Variants in ATG3 observed in about 807,000 individuals in gnomAD.
ATG3 encodes the protein autophagy related 3, also known as ubiquitin-like-conjugating enzyme ATG3.
Under a neutral mutation model 50.7 loss-of-function variants are expected in ATG3, and 25 were observed. The observed-to-expected ratio is 0.49, with a 90% CI of 0.36 to 0.69. The LOEUF is 0.69. ATG3 is among the 30% of genes least tolerant of loss of function. The probability of loss-of-function intolerance (pLI) is 0.00; values close to 1 mark genes in which losing one functional copy is unlikely to be tolerated. For synonymous variants in ATG3, 119 were observed against 125.5 expected (o/e 0.95, Z 0.34); for missense variants, 281 against 376.0 (o/e 0.75, Z 2.09).
At chr3:112,558,829 C>T (rs970083411) in intron 1 of ATG3, among the ~76,000 whole-genome samples, 2 of 151,972 alleles carry the variant, frequency 1.3e-5, no homozygotes, top group African/African-American at 2.4e-5. Flanking sequence ...CTCCACCTCC[C>T]GGGTTCAAGC....
At chr3:112,543,913 A>ACAGC (rs1933299015) in intron 6 of ATG3, 144 bp downstream of exon 6, 2 of 535,636 alleles carry the variant, frequency 3.7e-6, no homozygotes, top group African/African-American at 1.9e-5. Context: ...GGGGAAGAAA[A>ACAGC]CAGCTGGAAT....
At position 112,561,576 on chromosome 3, in the gene ATG3, G is replaced by A. The variant is rs746807229; in HGVS notation, c.-48C>T. 6 of 1,575,910 alleles carry A rather than the reference G, an allele frequency of 3.8e-6. No homozygotes were observed. Among genetic ancestry groups the A allele is most frequent in the Non-Finnish European group, 4.3e-6 (5 of 1,156,494 alleles). Reference sequence around the variant, plus strand: ...GCCCCGCGACGGGATGGAAAGTGCAGCCGTGTCAGGGGCCAGGGAGTCAGA... The same window carrying A: ...GCCCCGCGACGGGATGGAAAGTGCAACCGTGTCAGGGGCCAGGGAGTCAGA... On this transcript the variant is annotated 5_prime_UTR_variant, in exon 1 of 12. Transcript: ENST00000283290.
At chr3:112,550,126 A>G in intron 4 of ATG3, 66 bp downstream of exon 4, 1 of 1,204,700 alleles carries the variant, frequency 8.3e-7, no homozygotes, top group Non-Finnish European at 1.2e-6. Context: ...GCAATAGAAA[A>G]ACCGAGAGCT....
intron 1 of ATG3, 39 bp from the exon 2 acceptor site, chr3:112,558,456 T>TTCACTA (rs1474582103): frequency 6.9e-7 from 1 of 1,447,368 alleles, no homozygotes; most frequent in Non-Finnish European, 9.7e-7. Flanking sequence ...TATATCATGT[T>TTCACTA]TCACTATCAA....
chr3:112,540,302 T>G (rs192100717), intron 7 of ATG3, among the ~76,000 whole-genome samples: 1 of 152,220 alleles, frequency 6.6e-6, no homozygotes, highest in Non-Finnish European at 1.5e-5. Context: ...CAAGCATCAC[T>G]TGCCATTATG....
At chr3:112,538,921 CTT>C (rs1933149652) in intron 7 of ATG3, among the ~76,000 whole-genome samples, 1 of 152,188 alleles carries the variant, frequency 6.6e-6, no homozygotes, top group South Asian at 2.1e-4. Context: ...AAGCTAATCA[CTT>C]TTGATTTTTC....
chr3:112,535,720 A>G (rs1933024280), intron 10 of ATG3: 1 of 152,198 alleles, frequency 6.6e-6, no homozygotes, highest in Admixed American at 6.5e-5. Flanking sequence ...ACTAGAGGGA[A>G]GAGAAAACAA....
intron 11 of ATG3, chr3:112,533,816 CG>C: frequency 1.0e-6 from 1 of 985,800 alleles, no homozygotes; most frequent in Non-Finnish European, 1.2e-6. Flanking sequence ...GAAAAATGAA[CG>C]TACTATATTT....
At chr3:112,552,010 G>A (rs13082005) in intron 3 of ATG3, among the ~76,000 whole-genome samples, 42,481 of 152,026 alleles carry the variant, frequency 0.28, 7,440 homozygotes, top group Middle Eastern at 0.41. Context: ...CTGTTTCAGC[G>A]ACACGGTAAG....
At position 112,536,531 on chromosome 3, in the gene ATG3, G is replaced by A; in HGVS notation, c.738C>T (p.Thr246=). 6.2e-7 allele frequency: 1 copy of A among 1,613,904 alleles called. No homozygotes were observed. The highest frequency in any genetic ancestry group is 8.5e-7 in the Non-Finnish European group (1 of 1,179,776). ...GTGGCAGATGAGGGTGATTTTCAATGGTCACTGTTTTCTTCACATGATCCT... is the reference window on the plus strand; with the variant it reads ...GTGGCAGATGAGGGTGATTTTCAATAGTCACTGTTTTCTTCACATGATCCT... The part of the protein sequence containing the change: ...ISQDHVKKTV[T]IENHPHLPPP... Residue 246 remains threonine, a synonymous_variant, in exon 10 of 12, where the codon ACC becomes ACT. Coordinates refer to ENST00000283290, the MANE Select transcript of ATG3 (RefSeq NM_022488.5).
chr3:112,546,174 C>CAA (rs35251867), intron 5 of ATG3, among the ~76,000 whole-genome samples: 6 of 151,414 alleles, frequency 4.0e-5, no homozygotes, highest in African/African-American at 1.2e-4. Flanking sequence ...CAACAACAAA[C>CAA]AAAAAAAAAC....
intron 11 of ATG3, 112 bp from the exon 12 acceptor site, chr3:112,532,892 A>C: frequency 7.5e-7 from 1 of 1,327,532 alleles, no homozygotes; most frequent in South Asian, 2.0e-5. Flanking sequence ...AACCCCACAA[A>C]ATCTTAAATT....
intron 7 of ATG3, 28 bp downstream of exon 7, chr3:112,541,775 A>G (rs777193209): frequency 6.5e-7 from 1 of 1,549,892 alleles, no homozygotes. Flanking sequence ...ATTCTAGTGG[A>G]ACTGAAGCAA....
chr3:112,543,636 A>G (rs1385299864), intron 6 of ATG3, among the ~76,000 whole-genome samples: 2 of 152,176 alleles, frequency 1.3e-5, no homozygotes, highest in Non-Finnish European at 2.9e-5. Context: ...TTAAATGTTA[A>G]TATATCATTA....
rs1408328140 is a variant in ATG3, at chr3:112,561,453, T to TTACC, written c.72_72+3dup. ...CAGCTCCCGGCAACCCTGGCCTGGC[T>TTACC]TACCTTGAGGACCGGGGTCAGGTAC... On this transcript the variant is annotated splice_donor_region_variant and intron_variant, in intron 1 of 11. Transcript: ENST00000283290. 6.2e-7 allele frequency: 1 copy of TTACC among 1,612,102 alleles called. No individual in the cohort carries two copies. Among genetic ancestry groups the TTACC allele is most frequent in the African/African-American group, 1.3e-5 (1 of 74,930 alleles).
chr3:112,547,354 A>G (rs1384755492), intron 5 of ATG3, among the ~76,000 whole-genome samples: 1 of 152,088 alleles, frequency 6.6e-6, no homozygotes, highest in Admixed American at 6.5e-5. Flanking sequence ...ATTTAGTATC[A>G]TGGACTTAAA....
intron 5 of ATG3, among the ~76,000 whole-genome samples, chr3:112,547,161 T>C (rs899444663): frequency 1.3e-5 from 2 of 152,326 alleles, no homozygotes; most frequent in Non-Finnish European, 2.9e-5. Context: ...GCATTTTTGG[T>C]TGTTAAAACT....
chr3:112,536,920 C>CAAAA (rs56353465), intron 9 of ATG3, among the ~76,000 whole-genome samples: 5 of 68,420 alleles, frequency 7.3e-5, no homozygotes, highest in African/African-American at 1.9e-4. Flanking sequence ...GACTCCATCT[C>CAAAA]AAAAAAAAAA....
intron 2 of ATG3, chr3:112,558,020 TCA>T (rs1933736567): frequency 5.6e-6 from 1 of 178,706 alleles, no homozygotes; most frequent in African/African-American, 2.4e-5. Flanking sequence ...GCATGAAAAC[TCA>T]CATTTGATGT....
Sources: gnomAD v4.1 joint callset for allele counts (sites outside exome capture counted in the v4.1 genomes callset) on GRCh38, gnomAD v4.1.1 for gene constraint, MANE v1.5 for transcripts, NCBI Gene and HGNC (gene_info 2026-07-23, HGNC 2026-07-21) for gene names.